The following USP15 variants were observed in gnomAD, a reference collection of about 807,000 sequenced individuals.
USP15 encodes the protein ubiquitin specific peptidase 15.
Under a neutral mutation model 127.1 loss-of-function variants are expected in USP15, and 18 were observed. That is an observed-to-expected ratio of 0.14 (90% CI 0.10 to 0.21). The LOEUF (loss-of-function observed/expected upper bound fraction) is 0.21. USP15 is among the 10% of genes least tolerant of loss of function. The pLI is 1.00. For missense variants in USP15, 805 were observed against 1,159.9 expected, an observed-to-expected ratio of 0.69 and a Z score of 4.44; for synonymous variants, 364 against 393.7, an observed-to-expected ratio of 0.92 and a Z score of 0.89.
intron 6 of USP15, chr12:62,335,224 G>A (rs2065425116): frequency 6.5e-7 from 1 of 1,535,362 alleles, no homozygotes; most frequent in Admixed American, 2.0e-5. Flanking sequence ...GTCACAGAAA[G>A]AGAGCTAAAG....
rs1017093837 is a variant in USP15, at chr12:62,314,470, CATT to C, written c.349-317_349-315del. ...CATAGTCATTTTGGGTAATCTTTCT[CATT>C]ATAAATACTGAATATTAATTATTTA... On this transcript the variant is annotated intron_variant, in intron 3 of 21. Transcript: ENST00000280377. Among the ~76,000 whole-genome samples the C allele has an allele frequency of 2.6e-5, 4 of 151,880 alleles. No individual in the cohort carries two copies. In the East Asian group the frequency reaches 7.7e-4, roughly 29 times the overall value.
At chr12:62,317,929 A>G (rs2064877608) in intron 4 of USP15, among the ~76,000 whole-genome samples, 1 of 152,218 alleles carries the variant, frequency 6.6e-6, no homozygotes, top group South Asian at 2.1e-4. Context: ...TTCCTTTAAG[A>G]TTAACTACCA....
intron 1 of USP15, among the ~76,000 whole-genome samples, chr12:62,293,711 A>G (rs2064044179): frequency 6.6e-6 from 1 of 152,144 alleles, no homozygotes; most frequent in African/African-American, 2.4e-5. Context: ...TTAGTCAGCC[A>G]TCTTGAACCT....
intron 8 of USP15, among the ~76,000 whole-genome samples, chr12:62,377,263 C>A (rs143755068): frequency 1.3e-5 from 2 of 152,068 alleles, no homozygotes; most frequent in African/African-American, 2.4e-5. Flanking sequence ...TGAAAATTAT[C>A]TTTGTTCATT....
intron 6 of USP15, among the ~76,000 whole-genome samples, chr12:62,338,428 C>T (rs2065544604): frequency 4.6e-5 from 7 of 152,060 alleles, no homozygotes; most frequent in Admixed American, 4.6e-4. Context: ...CTGTAGGTTG[C>T]CTGTTCACTC....
intron 21 of USP15, among the ~76,000 whole-genome samples, chr12:62,403,016 GAGA>G (rs1483385592): frequency 1.3e-5 from 2 of 152,082 alleles, no homozygotes; most frequent in Non-Finnish European, 2.9e-5. Flanking sequence ...TAGAGATCCA[GAGA>G]AGGAGAAGTT....
intron 8 of USP15, among the ~76,000 whole-genome samples, chr12:62,358,450 C>A (rs1367381930): frequency 6.6e-6 from 1 of 152,100 alleles, no homozygotes; most frequent in African/African-American, 2.4e-5. Context: ...CATGGTGACT[C>A]ATGCCTGTAA....
chr12:62,263,967 T>C (rs1190928054), intron 1 of USP15, among the ~76,000 whole-genome samples: 2 of 152,014 alleles, frequency 1.3e-5, no homozygotes, highest in African/African-American at 4.8e-5. Flanking sequence ...ACAAAGAAAA[T>C]TATGGGTTAT....
intron 3 of USP15, among the ~76,000 whole-genome samples, chr12:62,309,362 T>TTG (rs1165762236): frequency 6.6e-6 from 1 of 152,110 alleles, no homozygotes; most frequent in Non-Finnish European, 1.5e-5. Flanking sequence ...CTTTAAAATG[T>TTG]CAATACAGTA....
chr12:62,323,322 A>G (rs2065038215), intron 5 of USP15, among the ~76,000 whole-genome samples: 1 of 152,152 alleles, frequency 6.6e-6, no homozygotes, highest in African/African-American at 2.4e-5. Context: ...GATAAATGGA[A>G]GATTTTTTTG....
chr12:62,390,313 A>G (rs1430734714), intron 14 of USP15, among the ~76,000 whole-genome samples: 1 of 152,164 alleles, frequency 6.6e-6, no homozygotes, highest in Non-Finnish European at 1.5e-5. Flanking sequence ...GTCAAATGCC[A>G]TATGTTTGCA....
At chr12:62,260,556 G>C (rs1289507019) in intron 1 of USP15, 53 bp downstream of exon 1, 3 of 1,501,202 alleles carry the variant, frequency 2.0e-6, no homozygotes, top group Non-Finnish European at 2.7e-6. Flanking sequence ...GTGGAGAAGT[G>C]GGCGGGAGCC....
At chr12:62,388,176 G>T (rs985953262) in intron 11 of USP15, among the ~76,000 whole-genome samples, 1 of 125,318 alleles carries the variant, frequency 8.0e-6, no homozygotes, top group Non-Finnish European at 1.6e-5. Context: ...TGTCACCCAA[G>T]TTGGAGTACA....
At chr12:62,352,587 C>G (rs1001069614) in intron 7 of USP15, among the ~76,000 whole-genome samples, 11 of 151,720 alleles carry the variant, frequency 7.3e-5, no homozygotes, top group African/African-American at 2.7e-4. Context: ...ATATCTTTTT[C>G]TTTGAAATGA....
intron 2 of USP15, among the ~76,000 whole-genome samples, chr12:62,299,479 G>A (rs1054702058): frequency 1.3e-5 from 2 of 152,146 alleles, no homozygotes; most frequent in Non-Finnish European, 2.9e-5. Context: ...TTTTATCCAT[G>A]TTGTTGCATG....
At chr12:62,358,861 A>G (rs1038443924) in intron 8 of USP15, among the ~76,000 whole-genome samples, 1 of 152,206 alleles carries the variant, frequency 6.6e-6, no homozygotes, top group Admixed American at 6.5e-5. Flanking sequence ...TATGTAGGTT[A>G]TATACAAATA....
rs982500472 is a variant in USP15 at position 62,391,183 on chromosome 12, G to C, written c.1987G>C (p.Asp663His). 1 of 1,613,040 alleles carries C rather than the reference G, an allele frequency of 6.2e-7. No homozygotes were observed. Among genetic ancestry groups the C allele is most frequent in the Non-Finnish European group, 8.5e-7 (1 of 1,179,630 alleles). ...PSEMETDEPD[D>H]ESSQDQELPS... ...TGAAATGGAAACAGATGAGCCAGATGATGAATCCAGCCAGGATCAAGAACT... is the reference window on the plus strand; with the variant it reads ...TGAAATGGAAACAGATGAGCCAGATCATGAATCCAGCCAGGATCAAGAACT... Residue 663 changes from aspartate (D) to histidine (H), a missense_variant, in exon 16 of 22, where the codon GAT (aspartate) becomes CAT (histidine). Physicochemically the swap from Asp to His is moderately conservative, Grantham distance 81 (BLOSUM62 -1). This residue lies in a region of USP15 where 225 missense variants were observed against 239.5 expected (regional missense o/e 0.94). Coordinates refer to ENST00000280377, the MANE Select transcript of USP15 (RefSeq NM_001252078.2).
In USP15 at chr12:62,407,613, A is replaced by C. The variant is rs894203814; in HGVS notation, c.*3238A>C. ...TATACCTTTATTACAATTTTAATTA[A>C]ATGGTAAATACAATGTGACATTTTT... is the stretch of plus-strand genomic sequence containing the variant. On this transcript the variant is annotated 3_prime_UTR_variant, in exon 22 of 22. Transcript: ENST00000280377. 1.3e-5 allele frequency: 2 copies of C among 152,188 alleles called. No homozygotes were observed. Among genetic ancestry groups the C allele is most frequent in the African/African-American group, 4.8e-5 (2 of 41,448 alleles). 9.4% of individuals were successfully genotyped at this position (152,188 alleles called of 1,614,324 possible). A position where few individuals can be genotyped will look rare whatever the true frequency, so the allele number is the denominator to read the frequency against.
chr12:62,336,408 C>T (rs2065467093), intron 6 of USP15: 1 of 985,306 alleles, frequency 1.0e-6, no homozygotes, highest in South Asian at 4.7e-5. Flanking sequence ...TCCTGAGTTC[C>T]TCCTCCAGCC....
Sources: allele counts gnomAD v4.1 joint callset (sites outside exome capture counted in the v4.1 genomes callset), GRCh38; gene constraint gnomAD v4.1.1; regional missense constraint gnomAD v4.1.1; transcripts MANE v1.5; gene names NCBI Gene and HGNC (gene_info 2026-07-23, HGNC 2026-07-21).